The following MACROD2 variants were observed in gnomAD, a reference collection of about 807,000 sequenced individuals.
MACROD2 encodes ADP-ribose glycohydrolase MACROD2.
A neutral mutation model predicts 70.4 loss-of-function variants in MACROD2; 36 were observed. The ratio of observed to expected loss-of-function variants is 0.51; its 90% CI spans 0.39 to 0.68. The LOEUF (loss-of-function observed/expected upper bound fraction) is 0.68, where lower values mean the gene tolerates loss of function less well. Ranked by LOEUF, MACROD2 falls within the 30% of genes least tolerant of loss-of-function variation. The pLI is 0.00. For missense variants in MACROD2, 496 were observed against 538.4 expected (o/e 0.92, Z 0.78); for synonymous variants, 172 against 178.8 (o/e 0.96, Z 0.30).
intron 5 of MACROD2, among the ~76,000 whole-genome samples, chr20:14,990,665 C>G (rs776287022): frequency 6.6e-6 from 1 of 151,950 alleles, no homozygotes; most frequent in Admixed American, 6.5e-5. Context: ...AGGCACTCAC[C>G]ACCACTCCCG....
intron 5 of MACROD2, among the ~76,000 whole-genome samples, chr20:15,152,045 AG>A (rs1339618888): frequency 6.6e-6 from 1 of 151,928 alleles, no homozygotes; most frequent in Non-Finnish European, 1.5e-5. Context: ...GAGACTAGGG[AG>A]GGACCGATGT....
At chr20:15,838,673 T>C (rs1418532664) in intron 8 of MACROD2, among the ~76,000 whole-genome samples, 4 of 152,182 alleles carry the variant, frequency 2.6e-5, no homozygotes, top group African/African-American at 4.8e-5. Flanking sequence ...CACAGCTAGA[T>C]TTTGATGAGT....
intron 8 of MACROD2, among the ~76,000 whole-genome samples, chr20:15,544,891 C>T (rs1461611003): frequency 2.0e-5 from 3 of 152,214 alleles, no homozygotes; most frequent in African/African-American, 4.8e-5. Flanking sequence ...CACTGAGCAG[C>T]GGTGGGGTCA....
At chr20:14,484,773 A>G (rs1047683408) in intron 3 of MACROD2, among the ~76,000 whole-genome samples, 1 of 152,154 alleles carries the variant, frequency 6.6e-6, no homozygotes, top group Non-Finnish European at 1.5e-5. Flanking sequence ...ACAGATTCTC[A>G]TTCTTTATTC....
At chr20:14,187,380 T>A (rs1038639315) in intron 3 of MACROD2, among the ~76,000 whole-genome samples, 2 of 152,112 alleles carry the variant, frequency 1.3e-5, no homozygotes, top group African/African-American at 4.8e-5. Flanking sequence ...GGTAATAATA[T>A]AATGATGCTT....
chr20:15,694,179 T>G (rs1379191970), intron 8 of MACROD2, among the ~76,000 whole-genome samples: 2 of 152,340 alleles, frequency 1.3e-5, no homozygotes, highest in South Asian at 2.1e-4. Flanking sequence ...TAAACATGCA[T>G]GTGCAAGTAT....
At chr20:14,568,370 G>A (rs914329649) in intron 4 of MACROD2, among the ~76,000 whole-genome samples, 9 of 152,044 alleles carry the variant, frequency 5.9e-5, no homozygotes, top group Admixed American at 1.3e-4. Context: ...GCAATTTGTC[G>A]CCTTTATTTA....
At chr20:14,797,786 GA>G (rs1423203675) in intron 5 of MACROD2, among the ~76,000 whole-genome samples, 1 of 152,018 alleles carries the variant, frequency 6.6e-6, no homozygotes, top group Non-Finnish European at 1.5e-5. Context: ...GGACCTGGAT[GA>G]TGCCTGCTTT....
At chr20:14,968,795 A>G (rs2423882) in intron 5 of MACROD2, among the ~76,000 whole-genome samples, 1 of 152,028 alleles carries the variant, frequency 6.6e-6, no homozygotes, top group Non-Finnish European at 1.5e-5. Context: ...CCCTACCACA[A>G]GTAAAACTTG....
intron 7 of MACROD2, among the ~76,000 whole-genome samples, chr20:15,448,067 A>G (rs2046593537): frequency 6.6e-6 from 1 of 152,112 alleles, no homozygotes. Context: ...ATTCACCATT[A>G]GTAATGTCAA....
intron 5 of MACROD2, among the ~76,000 whole-genome samples, chr20:15,176,554 A>T (rs1449219817): frequency 6.6e-6 from 1 of 152,076 alleles, no homozygotes; most frequent in Non-Finnish European, 1.5e-5. Context: ...CTCTGCTGAG[A>T]GCTGGACACT....
At chr20:14,748,958 T>A (rs555166910) in intron 5 of MACROD2, among the ~76,000 whole-genome samples, 12 of 152,196 alleles carry the variant, frequency 7.9e-5, no homozygotes, top group African/African-American at 2.9e-4. Flanking sequence ...TGTGTTGATT[T>A]CAGCCACCCA....
intron 12 of MACROD2, among the ~76,000 whole-genome samples, chr20:15,956,756 T>G (rs915034397): frequency 6.6e-6 from 1 of 152,140 alleles, no homozygotes; most frequent in Admixed American, 6.6e-5. Flanking sequence ...CCCCACAGTC[T>G]GTATGCTAGC....
chr20:14,195,744 G>C (rs528123522), intron 3 of MACROD2, among the ~76,000 whole-genome samples: 1 of 152,184 alleles, frequency 6.6e-6, no homozygotes, highest in Non-Finnish European at 1.5e-5. Context: ...TGGGGCAGTT[G>C]AGGGAGAGCC....
At chr20:15,461,699 G>A (rs1225530402) in intron 7 of MACROD2, among the ~76,000 whole-genome samples, 1 of 151,912 alleles carries the variant, frequency 6.6e-6, no homozygotes, top group African/African-American at 2.4e-5. Context: ...TCTCATTGTC[G>A]ACATTCCAGC....
At chr20:14,252,176 C>T (rs2082018750) in intron 3 of MACROD2, among the ~76,000 whole-genome samples, 1 of 151,944 alleles carries the variant, frequency 6.6e-6, no homozygotes, top group South Asian at 2.1e-4. Flanking sequence ...TACAGAATTG[C>T]ATAATTACCA....
intron 5 of MACROD2, among the ~76,000 whole-genome samples, chr20:15,051,752 CTTTTTT>C (rs547605196): frequency 7.3e-6 from 1 of 136,960 alleles, no homozygotes; most frequent in Non-Finnish European, 1.6e-5. Context: ...TATACCATCT[CTTTTTT>C]TTTTTTTTTT....
intron 8 of MACROD2, among the ~76,000 whole-genome samples, chr20:15,661,292 G>C (rs1291312564): frequency 6.6e-6 from 1 of 152,148 alleles, no homozygotes; most frequent in Non-Finnish European, 1.5e-5. Flanking sequence ...ATGGCTCACA[G>C]CTTGGCAGGC....
intron 8 of MACROD2, among the ~76,000 whole-genome samples, chr20:15,835,554 G>A (rs1259668844): frequency 6.6e-6 from 1 of 151,906 alleles, no homozygotes; most frequent in African/African-American, 2.4e-5. Flanking sequence ...AATATCATTG[G>A]TATGTTGTTA....
Sources: gnomAD v4.1 joint callset for allele counts (sites outside exome capture counted in the v4.1 genomes callset) on GRCh38, gnomAD v4.1.1 for gene constraint, MANE v1.5 for transcripts, NCBI Gene and HGNC (gene_info 2026-07-23, HGNC 2026-07-21) for gene names.